The following PLXNA4 variants were observed in gnomAD, a reference collection of about 807,000 sequenced individuals.
PLXNA4 encodes the protein plexin A4, also known as plexin-A4.
A neutral mutation model predicts 191.8 loss-of-function variants in PLXNA4; 44 were observed. The ratio of observed to expected loss-of-function variants is 0.23; its 90% CI spans 0.18 to 0.29. The LOEUF (loss-of-function observed/expected upper bound fraction) is 0.29, where lower values mean the gene tolerates loss of function less well. PLXNA4 is among the 10% of genes least tolerant of loss of function. The pLI is 1.00. For missense variants in PLXNA4, 1,800 were observed against 2,488.8 expected (o/e 0.72, Z 5.89); for synonymous variants, 1,082 against 1,009.5 (o/e 1.07, Z -1.36).
At chr7:132,238,806 G>A (rs1798785662) in intron 5 of PLXNA4, among the ~76,000 whole-genome samples, 1 of 151,512 alleles carries the variant, frequency 6.6e-6, no homozygotes. Flanking sequence ...GATCAACAGA[G>A]TCACAAGAGG....
chr7:132,645,313 G>T (rs939407657), intron 2 of PLXNA4, among the ~76,000 whole-genome samples: 12 of 152,134 alleles, frequency 7.9e-5, no homozygotes, highest in African/African-American at 2.9e-4. Flanking sequence ...GCAGTTTTCC[G>T]CATGCTGTTC....
At chr7:132,285,870 T>C (rs1439523247) in intron 4 of PLXNA4, among the ~76,000 whole-genome samples, 3 of 152,156 alleles carry the variant, frequency 2.0e-5, no homozygotes, top group Admixed American at 1.3e-4. Flanking sequence ...ACAGTGTGAG[T>C]CAACTTCTAC....
At chr7:132,416,558 A>G (rs986547059) in intron 3 of PLXNA4, among the ~76,000 whole-genome samples, 16 of 152,178 alleles carry the variant, frequency 1.1e-4, no homozygotes, top group African/African-American at 3.6e-4. Flanking sequence ...AGAAAATATC[A>G]GAGTACTCAG....
chr7:132,560,153 C>G (rs1398639283), intron 1 of PLXNA4, among the ~76,000 whole-genome samples: 4 of 152,204 alleles, frequency 2.6e-5, no homozygotes, highest in Non-Finnish European at 5.9e-5. Context: ...AATCACCAAT[C>G]TCTTAGCTCA....
intron 3 of PLXNA4, among the ~76,000 whole-genome samples, chr7:132,447,794 C>A (rs1341155545): frequency 6.6e-6 from 1 of 151,138 alleles, no homozygotes; most frequent in African/African-American, 2.4e-5. Flanking sequence ...TTAAGACCAG[C>A]CTGGACAACA....
intron 24 of PLXNA4, among the ~76,000 whole-genome samples, chr7:132,162,475 T>C (rs904508687): frequency 6.6e-6 from 1 of 152,150 alleles, no homozygotes; most frequent in African/African-American, 2.4e-5. Flanking sequence ...ATGTTGCAAT[T>C]TGGGGACAGA....
chr7:132,502,763 T>C lies in PLXNA4; in HGVS notation c.1188+4743A>G, dbSNP rs190962318. On this transcript the variant is annotated intron_variant, in intron 2 of 31. Transcript: ENST00000321063. ...CATTCCCTCAACTGCAGAGGATGCC[T>C]GCCCTTCCATTATCCTACAGTATTG... 3.7e-3 allele frequency among the ~76,000 whole-genome samples: 557 copies of C among 152,298 alleles called. 3 individuals are homozygous for C. Among genetic ancestry groups the C allele is most frequent in the African/African-American group, 0.012 (488 of 41,554 alleles).
intron 3 of PLXNA4, among the ~76,000 whole-genome samples, chr7:132,445,759 G>T (rs1056356895): frequency 5.9e-5 from 9 of 152,162 alleles, no homozygotes; most frequent in Admixed American, 2.6e-4. Context: ...CCCACCCTGT[G>T]GATGGAAGGC....
At chr7:132,619,988 G>C (rs1803230116) in intron 2 of PLXNA4, among the ~76,000 whole-genome samples, 2 of 152,212 alleles carry the variant, frequency 1.3e-5, no homozygotes. Context: ...ATTTTTAGTA[G>C]AGATGGGGTT....
rs142480723 is a variant in PLXNA4 at position 132,446,057 on chromosome 7, G to T, written c.1371+43235C>A. On this transcript the variant is annotated intron_variant, in intron 3 of 31. Transcript: ENST00000321063. Reference sequence around the variant, plus strand: ...AGGAGCCCCGATGGAGGAAGGGAAGGCCCAAGGCGGGGCAAGACTAAGACA... The same window carrying T: ...AGGAGCCCCGATGGAGGAAGGGAAGTCCCAAGGCGGGGCAAGACTAAGACA... Among the ~76,000 whole-genome samples the T allele has an allele frequency of 1.3e-3, 196 of 152,294 alleles. 1 individual carries two copies. Among genetic ancestry groups the T allele is most frequent in the Non-Finnish European group, 2.2e-3 (153 of 68,024 alleles).
intron 2 of PLXNA4, among the ~76,000 whole-genome samples, chr7:132,490,106 ATG>A (rs1797729079): frequency 1.3e-5 from 2 of 152,190 alleles, no homozygotes; most frequent in Non-Finnish European, 2.9e-5. Flanking sequence ...ATTCAACTCA[ATG>A]TGCCACAGCT....
At chr7:132,519,544 T>C (rs1306358284) in intron 1 of PLXNA4, among the ~76,000 whole-genome samples, 1 of 152,168 alleles carries the variant, frequency 6.6e-6, no homozygotes, top group African/African-American at 2.4e-5. Flanking sequence ...CTGAGGCTTG[T>C]CCAGCTGACA....
At position 132,179,759 on chromosome 7, in the gene PLXNA4, C is replaced by G. The variant is rs776432034; in HGVS notation, c.3802G>C (p.Asp1268His). Reference protein sequence around the residue: ...IAYKRKSRESDLTLKRLQMQM... With the variant: ...IAYKRKSRESHLTLKRLQMQM... Reference sequence around the variant, plus strand: ...ATCTGCAGCCGCTTCAGCGTGAGGTCACTTTCGCGGGACTTGCGTTTATAG... The same window carrying G: ...ATCTGCAGCCGCTTCAGCGTGAGGTGACTTTCGCGGGACTTGCGTTTATAG... Residue 1268 changes from aspartate (D) to histidine (H), a missense_variant, in exon 20 of 32, where the codon GAC (aspartate) becomes CAC (histidine). Physicochemically the swap from Asp to His is moderately conservative, Grantham distance 81. Coordinates refer to ENST00000321063, the MANE Select transcript of PLXNA4 (RefSeq NM_020911.2). 7 of 1,614,180 alleles carry G rather than the reference C, an allele frequency of 4.3e-6. No homozygotes were observed. Among genetic ancestry groups the G allele is most frequent in the Middle Eastern group, 1.6e-4 (1 of 6,062 alleles).
chr7:132,218,637 T>C (rs1005196449), intron 9 of PLXNA4, among the ~76,000 whole-genome samples: 7 of 152,156 alleles, frequency 4.6e-5, no homozygotes, highest in Admixed American at 3.9e-4. Flanking sequence ...CAGGTTGGCC[T>C]GTGGAGGAGC....
intron 30 of PLXNA4, 129 bp downstream of exon 30, chr7:132,140,470 G>A: frequency 7.5e-7 from 1 of 1,339,626 alleles, no homozygotes; most frequent in Non-Finnish European, 1.0e-6. Context: ...TGTTGCAGTG[G>A]CAGGATTAGG....
At chr7:132,431,411 A>G (rs1206542501) in intron 3 of PLXNA4, among the ~76,000 whole-genome samples, 1 of 152,176 alleles carries the variant, frequency 6.6e-6, no homozygotes, top group Non-Finnish European at 1.5e-5. Context: ...TCAGCCAGCT[A>G]GTGAAAACCA....
chr7:132,375,607 C>T (rs1470525950), intron 3 of PLXNA4, among the ~76,000 whole-genome samples: 1 of 152,114 alleles, frequency 6.6e-6, no homozygotes, highest in East Asian at 1.9e-4. Flanking sequence ...CATGGACATG[C>T]TAGAGGACCC....
chr7:132,556,214 A>G (rs891513301), intron 1 of PLXNA4, among the ~76,000 whole-genome samples: 4 of 152,166 alleles, frequency 2.6e-5, no homozygotes, highest in African/African-American at 9.7e-5. Flanking sequence ...AAGTGATAAT[A>G]TTTTTACCAC....
At chr7:132,154,682 C>G (rs1247244406) in intron 25 of PLXNA4, among the ~76,000 whole-genome samples, 2 of 152,108 alleles carry the variant, frequency 1.3e-5, no homozygotes, top group Non-Finnish European at 2.9e-5. Flanking sequence ...TGGCATGGCT[C>G]CAGACAGTGT....
Sources: allele counts gnomAD v4.1 joint callset (sites outside exome capture counted in the v4.1 genomes callset), GRCh38; gene constraint gnomAD v4.1.1; transcripts MANE v1.5; gene names NCBI Gene and HGNC (gene_info 2026-07-23, HGNC 2026-07-21).